PIK3CB: variants seen among roughly 807,000 people sequenced by gnomAD.
PIK3CB encodes the protein phosphatidylinositol 4,5-bisphosphate 3-kinase catalytic subunit beta isoform.
A neutral mutation model predicts 136.8 loss-of-function variants in PIK3CB; 39 were observed. The observed-to-expected ratio is 0.29, with a 90% CI of 0.22 to 0.37. PIK3CB has a LOEUF of 0.37. Among genes scored for constraint, PIK3CB ranks in the 10% least tolerant of loss-of-function variants. PIK3CB has a pLI of 1.00. For synonymous variants in PIK3CB, 428 were observed against 436.6 expected (o/e 0.98, Z 0.25); for missense variants, 868 against 1,275.4 (o/e 0.68, Z 4.87).
At chr3:138,754,473 C>G (rs2045528764) in intron 4 of PIK3CB, among the ~76,000 whole-genome samples, 1 of 151,970 alleles carries the variant, frequency 6.6e-6, no homozygotes, top group African/African-American at 2.4e-5. Flanking sequence ...AAAAAACAAA[C>G]AAAACAAAAC....
chr3:138,674,075 C>T (rs1423482204), intron 19 of PIK3CB, among the ~76,000 whole-genome samples: 1 of 151,700 alleles, frequency 6.6e-6, no homozygotes, highest in African/African-American at 2.4e-5. Context: ...GTTGGGGGAA[C>T]CAACAAGCTA....
At position 138,704,530 on chromosome 3, in the gene PIK3CB, T is replaced by C. The variant is rs12107289; in HGVS notation, c.1531-37A>G. 9,634 of 1,401,150 alleles carry C rather than the reference T, an allele frequency of 6.9e-3. 542 individuals are homozygous for C. In the African/African-American group the frequency reaches 0.12, roughly 17 times the overall value. The allele number at this position is 1,401,150 out of a possible 1,614,324, so 86.8% of individuals were successfully genotyped here. On this transcript the variant is annotated intron_variant, in intron 11 of 23. Transcript: ENST00000674063. Reference sequence around the variant, plus strand: ...AATTAAAGAAAATGAATTTTGGCTCTCATATTTGTAGAATTTTAAGTGTAA... The same window carrying C: ...AATTAAAGAAAATGAATTTTGGCTCCCATATTTGTAGAATTTTAAGTGTAA...
At chr3:138,668,227 A>G (rs1226576909) in intron 19 of PIK3CB, among the ~76,000 whole-genome samples, 1 of 152,158 alleles carries the variant, frequency 6.6e-6, no homozygotes, top group African/African-American at 2.4e-5. Context: ...ACACATGTAA[A>G]GCAAACACTG....
At chr3:138,834,103 G>T (rs1406383552) in intron 1 of PIK3CB, among the ~76,000 whole-genome samples, 1 of 152,164 alleles carries the variant, frequency 6.6e-6, no homozygotes, top group African/African-American at 2.4e-5. Context: ...TGCAGCAGGG[G>T]TATCATTTAC....
intron 7 of PIK3CB, 86 bp downstream of exon 7, chr3:138,734,548 A>C (rs2045060651): frequency 1.0e-6 from 1 of 967,082 alleles, no homozygotes; most frequent in Non-Finnish European, 1.5e-6. Context: ...AGGAGAAGTG[A>C]GCAAAGGAAA....
chr3:138,763,608 A>G (rs1045221825), intron 2 of PIK3CB, among the ~76,000 whole-genome samples: 4 of 152,226 alleles, frequency 2.6e-5, no homozygotes, highest in East Asian at 1.9e-4. Flanking sequence ...ATAAAAGAGC[A>G]TGAAACTAGA....
intron 11 of PIK3CB, 24 bp from the exon 12 acceptor site, chr3:138,704,517 T>G: frequency 6.5e-7 from 1 of 1,532,552 alleles, no homozygotes; most frequent in Non-Finnish European, 9.0e-7. Flanking sequence ...TTAAAGAAAA[T>G]GAATTTTGGC....
At chr3:138,762,261 AAAAC>A (rs1485585295) in intron 2 of PIK3CB, among the ~76,000 whole-genome samples, 1 of 152,204 alleles carries the variant, frequency 6.6e-6, no homozygotes, top group Non-Finnish European at 1.5e-5. Flanking sequence ...AAAAAAACAA[AAAAC>A]AAACAAACAA....
Position 138,684,765 on chromosome 3 carries a change from T to A in PIK3CB, c.2175A>T (p.Leu725Phe), listed in dbSNP as rs776640223. 25 of 1,613,766 alleles carry A rather than the reference T, an allele frequency of 1.5e-5. No homozygotes were observed. The highest frequency in any genetic ancestry group is 2.7e-5 in the African/African-American group (2 of 74,910). ...ALNKLKTLNS[L>F]IKLNAVKLNR... is the part of the protein sequence containing the mutation. The stretch of plus-strand genomic sequence containing the variant: ...TTAACTTCACGGCATTCAGTTTGAT[T>A]AAACTATTTAAAGTTTTTAACTTAT... Residue 725 changes from leucine to phenylalanine, a missense_variant, in exon 17 of 24, where the codon TTA (leucine) becomes TTT (phenylalanine). Around this residue, in one of 4 missense-constraint regions of PIK3CB, gnomAD observed 165 missense variants for 295.4 expected, o/e 0.56. Transcript: ENST00000674063.
chr3:138,797,636 T>C lies in PIK3CB; in HGVS notation c.-121-1069A>G, dbSNP rs149773998. On this transcript the variant is annotated intron_variant, in intron 1 of 23. Transcript: ENST00000674063. ...ATTGTTTTTCCAAAAGTAAGAAAATTGGTGAACTCAAAAATAACAAACTTG... is the reference window on the plus strand; with the variant it reads ...ATTGTTTTTCCAAAAGTAAGAAAATCGGTGAACTCAAAAATAACAAACTTG... Among the ~76,000 whole-genome samples, 183 of 152,146 alleles carry C rather than the reference T, an allele frequency of 1.2e-3. 5 individuals carry two copies. The highest frequency in any genetic ancestry group is 1.0e-3 in the Non-Finnish European group (68 of 68,034).
At chr3:138,810,994 C>T (rs933760585) in intron 1 of PIK3CB, among the ~76,000 whole-genome samples, 2 of 151,768 alleles carry the variant, frequency 1.3e-5, no homozygotes, top group African/African-American at 2.4e-5. Flanking sequence ...CTTGGGAGGC[C>T]GAGATGGGCA....
chr3:138,786,170 GAA>G (rs2045980226), intron 2 of PIK3CB, among the ~76,000 whole-genome samples: 1 of 152,124 alleles, frequency 6.6e-6, no homozygotes, highest in African/African-American at 2.4e-5. Context: ...CAGTGTTAAA[GAA>G]AACAGTCTCT....
At chr3:138,766,404 G>T (rs926881940) in intron 2 of PIK3CB, among the ~76,000 whole-genome samples, 1 of 152,042 alleles carries the variant, frequency 6.6e-6, no homozygotes, top group African/African-American at 2.4e-5. Context: ...CTATATCTGT[G>T]CTATATTTCA....
chr3:138,811,240 C>CAAAA (rs558228212), intron 1 of PIK3CB, among the ~76,000 whole-genome samples: 2 of 23,424 alleles, frequency 8.5e-5, no homozygotes, highest in Non-Finnish European at 1.6e-4. Context: ...AAGACTCTGC[C>CAAAA]AAAAAAAAAA....
chr3:138,688,559 T>C (rs536155382), intron 16 of PIK3CB, among the ~76,000 whole-genome samples: 1 of 151,876 alleles, frequency 6.6e-6, no homozygotes, highest in East Asian at 1.9e-4. Context: ...TCTGCATTTC[T>C]TAGCACTTTG....
At chr3:138,805,667 G>A (rs1443213915) in intron 1 of PIK3CB, among the ~76,000 whole-genome samples, 3 of 151,664 alleles carry the variant, frequency 2.0e-5, no homozygotes, top group Admixed American at 6.6e-5. Flanking sequence ...GCGAGACTCC[G>A]TCTCAAAAAA....
chr3:138,827,360 A>C (rs1038446037), intron 1 of PIK3CB, among the ~76,000 whole-genome samples: 3 of 152,126 alleles, frequency 2.0e-5, no homozygotes, highest in Non-Finnish European at 4.4e-5. Flanking sequence ...AGAGTTAAGA[A>C]CGCCTAATAG....
intron 21 of PIK3CB, among the ~76,000 whole-genome samples, chr3:138,658,195 TC>T (rs1256899534): frequency 6.6e-6 from 1 of 152,126 alleles, no homozygotes; most frequent in African/African-American, 2.4e-5. Context: ...ATGTCTGCAA[TC>T]CCAGCACTTT....
chr3:138,684,890 C>T (rs2043851745), intron 16 of PIK3CB, 87 bp from the exon 17 acceptor site: 2 of 881,706 alleles, frequency 2.3e-6, no homozygotes, highest in Non-Finnish European at 3.5e-6. Context: ...AACACCTGCT[C>T]CCAACATATA....
Sources: gnomAD v4.1 joint callset for allele counts (sites outside exome capture counted in the v4.1 genomes callset) on GRCh38, gnomAD v4.1.1 for gene constraint, gnomAD v4.1.1 regional missense constraint, MANE v1.5 for transcripts, NCBI Gene and HGNC (gene_info 2026-07-23, HGNC 2026-07-21) for gene names.